Variants in CNOT4 observed in about 807,000 individuals in gnomAD.
The protein encoded by CNOT4 is CCR4-NOT transcription complex subunit 4, also known as CCR4-associated factor 4.
CNOT4 carries 8 observed loss-of-function variants against 73.8 expected under a neutral mutation model. That is an observed-to-expected ratio of 0.11 (90% CI 0.06 to 0.20). The LOEUF (loss-of-function observed/expected upper bound fraction) is 0.20. Ranked by LOEUF, CNOT4 falls within the 10% of genes least tolerant of loss-of-function variation. CNOT4 has a pLI of 1.00. For missense variants in CNOT4, 564 were observed against 883.4 expected (o/e 0.64, Z 4.58); for synonymous variants, 293 against 321.1 (o/e 0.91, Z 0.94).
intron 10 of CNOT4, among the ~76,000 whole-genome samples, chr7:135,379,786 A>G (rs1238337890): frequency 1.3e-5 from 2 of 152,202 alleles, no homozygotes; most frequent in Non-Finnish European, 2.9e-5. Flanking sequence ...TATAGATGTA[A>G]TAAAGGAAAA....
chr7:135,503,026 G>A (rs1426949143), intron 1 of CNOT4, among the ~76,000 whole-genome samples: 5 of 151,470 alleles, frequency 3.3e-5, no homozygotes, highest in South Asian at 4.2e-4. Flanking sequence ...GGTGGCACAC[G>A]CCTGTAGTTC....
At chr7:135,474,233 C>T (rs1332322498) in intron 1 of CNOT4, among the ~76,000 whole-genome samples, 6 of 150,638 alleles carry the variant, frequency 4.0e-5, no homozygotes, top group African/African-American at 1.5e-4. Flanking sequence ...CTGCCTCAGC[C>T]TCCCAAAGTG....
chr7:135,387,823 T>A (rs1796196946), intron 10 of CNOT4: 1 of 980,074 alleles, frequency 1.0e-6, no homozygotes, highest in Non-Finnish European at 1.2e-6. Context: ...ATTAAAATTA[T>A]CTGTTACAAT....
In CNOT4 at chr7:135,395,695, G is replaced by T; in HGVS notation, c.1068C>A (p.Ser356Arg). 6.2e-7 allele frequency: 1 copy of T among 1,614,126 alleles called. No homozygotes were observed. Among genetic ancestry groups the T allele is most frequent in the Non-Finnish European group, 8.5e-7 (1 of 1,179,982 alleles). The change falls in exon 9 of 12, where the codon AGC becomes AGA. Residue 356 changes from serine (S) to arginine (R), a missense_variant. Ser to Arg is a moderately radical substitution (Grantham distance 110). Around this residue, in one of 10 missense-constraint regions of CNOT4, gnomAD observed 135 missense variants for 154.0 expected, o/e 0.88. Coordinates refer to ENST00000541284, the MANE Select transcript of CNOT4 (RefSeq NM_001190850.2). ...PIPSGLPPFPSSPQTSSDWPT... is the reference protein window; with the variant it reads ...PIPSGLPPFPRSPQTSSDWPT... Reference sequence around the variant, plus strand: ...GCCAGTCACTGGATGTCTGTGGGGAGCTGGGGAAAGGAGGAAGCCCACTTG... The same window carrying T: ...GCCAGTCACTGGATGTCTGTGGGGATCTGGGGAAAGGAGGAAGCCCACTTG...
intron 3 of CNOT4, among the ~76,000 whole-genome samples, chr7:135,421,783 T>C (rs1190219453): frequency 6.6e-6 from 1 of 152,154 alleles, no homozygotes; most frequent in African/African-American, 2.4e-5. Flanking sequence ...TTCAAACAAC[T>C]GCACCTCCAC....
intron 1 of CNOT4, among the ~76,000 whole-genome samples, chr7:135,482,351 T>C (rs768649951): frequency 9.2e-5 from 14 of 151,432 alleles, no homozygotes; most frequent in Non-Finnish European, 1.9e-4. Flanking sequence ...AGCCCAGTAG[T>C]CCAAAAACAG....
chr7:135,497,289 G>A (rs1803652527), intron 1 of CNOT4, among the ~76,000 whole-genome samples: 1 of 152,000 alleles, frequency 6.6e-6, no homozygotes, highest in African/African-American at 2.4e-5. Context: ...CGTGCCTGTA[G>A]TCCCAGCTAC....
chr7:135,425,315 T>C (rs975939347), intron 2 of CNOT4, among the ~76,000 whole-genome samples: 1 of 152,202 alleles, frequency 6.6e-6, no homozygotes, highest in Non-Finnish European at 1.5e-5. Flanking sequence ...TATAAAATAC[T>C]GATTACACAT....
At chr7:135,473,983 T>C (rs1379938786) in intron 1 of CNOT4, among the ~76,000 whole-genome samples, 1 of 91,554 alleles carries the variant, frequency 1.1e-5, no homozygotes, top group African/African-American at 3.0e-5. Flanking sequence ...CTTTTTGTGG[T>C]TTTTTTTTTT....
intron 1 of CNOT4, among the ~76,000 whole-genome samples, chr7:135,457,328 TG>T (rs1310074448): frequency 6.6e-6 from 1 of 151,644 alleles, no homozygotes; most frequent in Non-Finnish European, 1.5e-5. Flanking sequence ...GAAAGAGAAA[TG>T]GAAGGAAGAA....
Position 135,448,790 on chromosome 7 carries a change from T to C in CNOT4, c.-92-10367A>G, listed in dbSNP as rs982440430. On this transcript the variant is annotated intron_variant, in intron 1 of 11. Transcript: ENST00000541284. ...ATTAAAAAGAACCAAATGGAAATTC[T>C]GGAGTTGAACACTGACTAGAAAAAA... 6.6e-5 allele frequency among the ~76,000 whole-genome samples: 10 copies of C among 152,200 alleles called. No homozygotes were observed. The East Asian group carries it at 1.9e-3, about 29-fold the overall frequency.
At chr7:135,493,772 A>G (rs1803270256) in intron 1 of CNOT4, among the ~76,000 whole-genome samples, 1 of 152,204 alleles carries the variant, frequency 6.6e-6, no homozygotes, top group Non-Finnish European at 1.5e-5. Context: ...AATGGAAGAC[A>G]ACAGTTTGGG....
chr7:135,400,414 A>G (rs558782795), intron 7 of CNOT4, among the ~76,000 whole-genome samples: 1 of 152,090 alleles, frequency 6.6e-6, no homozygotes, highest in Non-Finnish European at 1.5e-5. Context: ...AAGCTGAGAG[A>G]AAGAGGTGGT....
intron 1 of CNOT4, among the ~76,000 whole-genome samples, chr7:135,477,728 G>C (rs1802085876): frequency 6.6e-6 from 1 of 151,904 alleles, no homozygotes; most frequent in South Asian, 2.1e-4. Flanking sequence ...TTTCCAATCT[G>C]GTAACACACG....
intron 2 of CNOT4, among the ~76,000 whole-genome samples, chr7:135,428,739 CAG>C (rs1798653415): frequency 6.6e-6 from 1 of 152,008 alleles, no homozygotes; most frequent in South Asian, 2.1e-4. Flanking sequence ...AATATTTAAT[CAG>C]AGTCACAGAG....
At position 135,407,417 on chromosome 7, in the gene CNOT4, A is replaced by C. The variant is rs564238890; in HGVS notation, c.821+3098T>G. Among the ~76,000 whole-genome samples, 4 of 152,352 alleles carry C rather than the reference A, an allele frequency of 2.6e-5. No homozygotes were observed. The East Asian group carries it at 7.7e-4, about 29-fold the overall frequency. ...TAAATGAGGAATAACAAGGTATTTCATATTGTGATTAAAAATACTTATCTC... is the reference window on the plus strand; with the variant it reads ...TAAATGAGGAATAACAAGGTATTTCCTATTGTGATTAAAAATACTTATCTC... On this transcript the variant is annotated intron_variant, in intron 7 of 11. Transcript: ENST00000541284.
chr7:135,411,900 C>T (rs185862292), intron 6 of CNOT4, among the ~76,000 whole-genome samples: 46 of 151,870 alleles, frequency 3.0e-4, no homozygotes, highest in African/African-American at 4.8e-5. Context: ...TTTTGAGTTA[C>T]GCAGTAACAA....
chr7:135,362,535 C>A lies in CNOT4; in HGVS notation c.*350G>T. On this transcript the variant is annotated 3_prime_UTR_variant, in exon 12 of 12. Transcript: ENST00000541284. ...TACTTGAGCTTTCCTATAGATTAAT[C>A]GTCATTTTCTGCTAAGCAGATTATG... is the stretch of plus-strand genomic sequence containing the variant. The A allele has an allele frequency of 2.6e-6, 1 of 392,004 alleles. No homozygotes were observed. The highest frequency in any genetic ancestry group is 2.2e-5 in the South Asian group (1 of 44,454). 24.3% of individuals were successfully genotyped at this position (392,004 alleles called of 1,614,324 possible).
intron 10 of CNOT4, among the ~76,000 whole-genome samples, chr7:135,380,854 CTATGT>C (rs1243679923): frequency 1.2e-4 from 18 of 152,258 alleles, no homozygotes; most frequent in African/African-American, 4.3e-4. Flanking sequence ...TTGTTAAAGA[CTATGT>C]TATATTTATT....
Sources: gnomAD v4.1 joint callset for allele counts (sites outside exome capture counted in the v4.1 genomes callset) on GRCh38, gnomAD v4.1.1 for gene constraint, gnomAD v4.1.1 regional missense constraint, MANE v1.5 for transcripts, NCBI Gene and HGNC (gene_info 2026-07-23, HGNC 2026-07-21) for gene names.